Variants in TMTC2 observed in about 807,000 individuals in gnomAD.
The protein encoded by TMTC2 is protein O-mannosyl-transferase TMTC2.
A neutral mutation model predicts 82.4 loss-of-function variants in TMTC2; 43 were observed. The ratio of observed to expected loss-of-function variants is 0.52; its 90% CI spans 0.41 to 0.67. The LOEUF (loss-of-function observed/expected upper bound fraction) is 0.67, where lower values mean the gene tolerates loss of function less well. TMTC2 is among the 30% of genes least tolerant of loss of function. The pLI is 0.00. For missense variants in TMTC2, 919 were observed against 1,012.4 expected (o/e 0.91, Z 1.25); for synonymous variants, 408 against 381.9 (o/e 1.07, Z -0.80).
chr12:82,890,429 C>A (rs1760435697), intron 2 of TMTC2, among the ~76,000 whole-genome samples: 1 of 152,108 alleles, frequency 6.6e-6, no homozygotes, highest in African/African-American at 2.4e-5. Flanking sequence ...ACTAAGAATT[C>A]AATTTGTCCC....
At chr12:82,923,965 T>C (rs753549377) in intron 3 of TMTC2, among the ~76,000 whole-genome samples, 2 of 152,226 alleles carry the variant, frequency 1.3e-5, no homozygotes, top group Non-Finnish European at 2.9e-5. Context: ...AATTAACTCA[T>C]AGAATCAACT....
At chr12:83,084,350 C>A (rs1444020077) in intron 11 of TMTC2, among the ~76,000 whole-genome samples, 2 of 152,100 alleles carry the variant, frequency 1.3e-5, no homozygotes, top group Non-Finnish European at 2.9e-5. Context: ...TTTTTATCCC[C>A]CCTATTATAT....
intron 11 of TMTC2, among the ~76,000 whole-genome samples, chr12:83,119,898 C>G (rs1206203262): frequency 6.6e-6 from 1 of 152,118 alleles, no homozygotes; most frequent in African/African-American, 2.4e-5. Context: ...TAATGTCCCT[C>G]TTTGTATTAT....
chr12:82,920,731 CTGTT>C, intron 3 of TMTC2, among the ~76,000 whole-genome samples: 1 of 152,194 alleles, frequency 6.6e-6, no homozygotes, highest in South Asian at 2.1e-4. Flanking sequence ...TTAGAAGTGT[CTGTT>C]TGCCTTCTCT....
chr12:83,011,478 A>G (rs1284101208), intron 8 of TMTC2, among the ~76,000 whole-genome samples: 1 of 152,244 alleles, frequency 6.6e-6, no homozygotes. Context: ...CATTAGCAGT[A>G]AGAATGATAT....
intron 9 of TMTC2, among the ~76,000 whole-genome samples, chr12:83,044,406 G>A (rs970814668): frequency 2.0e-5 from 3 of 152,164 alleles, no homozygotes; most frequent in Admixed American, 1.3e-4. Flanking sequence ...GTAAGAGAGG[G>A]TGGGGAAGAA....
intron 1 of TMTC2, among the ~76,000 whole-genome samples, chr12:82,712,886 G>A (rs1177562822): frequency 1.3e-5 from 2 of 152,142 alleles, no homozygotes; most frequent in Admixed American, 1.3e-4. Context: ...GGGGAGACCA[G>A]GTGGGAATCT....
intron 1 of TMTC2, among the ~76,000 whole-genome samples, chr12:82,701,147 G>A (rs1005469819): frequency 6.6e-6 from 1 of 152,086 alleles, no homozygotes; most frequent in African/African-American, 2.4e-5. Context: ...TATATGCAAA[G>A]TTATGATTTT....
chr12:83,055,705 G>GGTGTGTGTGT (rs58129444), intron 10 of TMTC2, among the ~76,000 whole-genome samples: 27 of 147,974 alleles, frequency 1.8e-4, no homozygotes, highest in African/African-American at 6.7e-4. Flanking sequence ...TAGTGGAAGG[G>GGTGTGTGTGT]GTGTGTGTGT....
intron 7 of TMTC2, among the ~76,000 whole-genome samples, chr12:82,980,379 A>G (rs781399168): frequency 2.0e-5 from 3 of 151,866 alleles, no homozygotes; most frequent in Middle Eastern, 3.2e-3. Flanking sequence ...TAGAAGGAAA[A>G]TAAGCATTAC....
chr12:83,088,001 T>C (rs1883718818), intron 11 of TMTC2, among the ~76,000 whole-genome samples: 5 of 152,236 alleles, frequency 3.3e-5, no homozygotes, highest in Admixed American at 3.3e-4. Context: ...AATAGAAGGC[T>C]ATTTCATTTA....
intron 1 of TMTC2, among the ~76,000 whole-genome samples, chr12:82,810,728 G>T (rs908341158): frequency 2.6e-5 from 4 of 152,104 alleles, no homozygotes; most frequent in Non-Finnish European, 5.9e-5. Context: ...CCAGATGGAG[G>T]TAATTGAATC....
intron 1 of TMTC2, among the ~76,000 whole-genome samples, chr12:82,844,853 A>G (rs1357852844): frequency 6.6e-6 from 1 of 151,912 alleles, no homozygotes; most frequent in Non-Finnish European, 1.5e-5. Context: ...TTTTGAAAGC[A>G]TCGAACTTCA....
chr12:82,691,807 A>G (rs1872590882), intron 1 of TMTC2, among the ~76,000 whole-genome samples: 1 of 152,112 alleles, frequency 6.6e-6, no homozygotes, highest in Non-Finnish European at 1.5e-5. Context: ...ATTACTATAT[A>G]ATTAAGTAAG....
intron 4 of TMTC2, among the ~76,000 whole-genome samples, chr12:82,934,247 T>C (rs1158981136): frequency 1.3e-5 from 2 of 152,226 alleles, no homozygotes; most frequent in Non-Finnish European, 2.9e-5. Flanking sequence ...TTTAAAATTA[T>C]ACTTTAAGTT....
rs572277200 is a variant in TMTC2, at chr12:83,071,310, A to G, written c.2331+9479A>G. Among the ~76,000 whole-genome samples the G allele has an allele frequency of 2.5e-3, 383 of 151,640 alleles. 2 individuals carry two copies. Among genetic ancestry groups the G allele is most frequent in the African/African-American group, 8.9e-3 (367 of 41,034 alleles). ...GCTGGGACTACAGGCAACTGCTACC[A>G]TGCCCGGCTAATTTTTTTTGTATTT... On this transcript the variant is annotated intron_variant, in intron 11 of 11. Coordinates refer to ENST00000321196, the MANE Select transcript of TMTC2 (RefSeq NM_152588.3).
At chr12:83,129,049 C>G (rs970132083) in intron 11 of TMTC2, among the ~76,000 whole-genome samples, 1 of 152,136 alleles carries the variant, frequency 6.6e-6, no homozygotes, top group East Asian at 1.9e-4. Context: ...ATGTTTCCTT[C>G]ACTCAAGAAG....
At chr12:82,971,179 A>C (rs1250669966) in intron 7 of TMTC2, among the ~76,000 whole-genome samples, 1 of 151,692 alleles carries the variant, frequency 6.6e-6, no homozygotes, top group Non-Finnish European at 1.5e-5. Context: ...CAAAGTTCAG[A>C]TTTACAGTTT....
At chr12:82,833,584 C>T (rs1187899291) in intron 1 of TMTC2, among the ~76,000 whole-genome samples, 1 of 152,084 alleles carries the variant, frequency 6.6e-6, no homozygotes, top group East Asian at 1.9e-4. Flanking sequence ...TAGTATATTG[C>T]CAAACAACTC....
Sources: gnomAD v4.1 joint callset for allele counts (sites outside exome capture counted in the v4.1 genomes callset) on GRCh38, gnomAD v4.1.1 for gene constraint, MANE v1.5 for transcripts, NCBI Gene and HGNC (gene_info 2026-07-23, HGNC 2026-07-21) for gene names.